MSH3: variants seen among roughly 807,000 people sequenced by gnomAD.
MSH3 encodes the protein mutS homolog 3.
A neutral mutation model predicts 123.3 loss-of-function variants in MSH3; 106 were observed. The ratio of observed to expected loss-of-function variants is 0.86; its 90% CI spans 0.73 to 1.01. The LOEUF is 1.01. MSH3 is among the 50% of genes least tolerant of loss of function. The pLI, the probability that MSH3 is intolerant of heterozygous loss-of-function variation, is 0.00. For missense variants in MSH3, 1,459 were observed against 1,347.6 expected, an observed-to-expected ratio of 1.08 and a Z score of -1.29; for synonymous variants, 515 against 481.4, an observed-to-expected ratio of 1.07 and a Z score of -0.91.
intron 2 of MSH3, among the ~76,000 whole-genome samples, chr5:80,659,515 G>A (rs1183401284): frequency 6.7e-6 from 1 of 149,570 alleles, no homozygotes; most frequent in East Asian, 1.9e-4. Context: ...GGCCTTTGGT[G>A]TCTGGTTTCT....
intron 21 of MSH3, among the ~76,000 whole-genome samples, chr5:80,862,470 C>T (rs1288685760): frequency 6.6e-6 from 1 of 152,046 alleles, no homozygotes; most frequent in African/African-American, 2.4e-5. Flanking sequence ...ATTAAAGAAT[C>T]CATGAGACTG....
At chr5:80,765,251 A>G (rs1320851309) in intron 13 of MSH3, among the ~76,000 whole-genome samples, 2 of 152,232 alleles carry the variant, frequency 1.3e-5, no homozygotes, top group Non-Finnish European at 2.9e-5. Context: ...TACAATAATC[A>G]TAAGAGGTTA....
At chr5:80,701,278 A>G (rs548514453) in intron 8 of MSH3, among the ~76,000 whole-genome samples, 60 of 152,302 alleles carry the variant, frequency 3.9e-4, no homozygotes, top group African/African-American at 1.4e-3. Flanking sequence ...TCATTCTTGA[A>G]GACACATTGT....
chr5:80,717,776 C>CAT (rs2112849628), intron 8 of MSH3, among the ~76,000 whole-genome samples: 1 of 150,240 alleles, frequency 6.7e-6, no homozygotes, highest in African/African-American at 2.4e-5. Context: ...TTTTTTTTTT[C>CAT]ATATATTGGC....
intron 19 of MSH3, among the ~76,000 whole-genome samples, chr5:80,803,114 G>A (rs1370200730): frequency 6.6e-6 from 1 of 152,062 alleles, no homozygotes; most frequent in Non-Finnish European, 1.5e-5. Flanking sequence ...GGGATTGCTA[G>A]ATCATGTGTT....
At chr5:80,824,348 C>A (rs945382924) in intron 20 of MSH3, among the ~76,000 whole-genome samples, 1 of 149,852 alleles carries the variant, frequency 6.7e-6, no homozygotes, top group Admixed American at 6.7e-5. Flanking sequence ...CCGGACGGGG[C>A]GGCTGGCCGG....
In MSH3 at chr5:80,848,052, G is replaced by A. The variant is rs539995522; in HGVS notation, c.2814-6078G>A. Among the ~76,000 whole-genome samples the A allele has an allele frequency of 2.0e-5, 3 of 152,198 alleles. No homozygotes were observed. The South Asian group carries it at 6.2e-4, about 32-fold the overall frequency. ...TTGTGACCAGCCTGGGCAACATGGT[G>A]GAACCCCATCTCTACTAAAGATACA... On this transcript the variant is annotated intron_variant, in intron 20 of 23. Coordinates refer to ENST00000265081, the MANE Select transcript of MSH3 (RefSeq NM_002439.5).
chr5:80,819,587 A>G (rs780442797), intron 20 of MSH3, among the ~76,000 whole-genome samples: 3 of 151,534 alleles, frequency 2.0e-5, no homozygotes, highest in African/African-American at 7.3e-5. Flanking sequence ...CCTGGATTCA[A>G]GCTATTTTCC....
At chr5:80,863,871 A>G (rs1321104666) in intron 21 of MSH3, among the ~76,000 whole-genome samples, 1 of 152,166 alleles carries the variant, frequency 6.6e-6, no homozygotes, top group Non-Finnish European at 1.5e-5. Flanking sequence ...ATCTCTCAGC[A>G]GACTTCACAG....
chr5:80,858,714 T>C (rs925378086), intron 21 of MSH3, among the ~76,000 whole-genome samples: 8 of 152,196 alleles, frequency 5.3e-5, no homozygotes, highest in Non-Finnish European at 1.0e-4. Flanking sequence ...ATATAAATGA[T>C]GTCTAGTTGA....
intron 9 of MSH3, among the ~76,000 whole-genome samples, chr5:80,726,756 C>T (rs1162418121): frequency 6.6e-6 from 1 of 152,180 alleles, no homozygotes; most frequent in Non-Finnish European, 1.5e-5. Context: ...AGGCATGAGC[C>T]ACTGCGCCCA....
chr5:80,672,199 T>A (rs1265656566), intron 4 of MSH3, 45 bp from the exon 5 acceptor site: 1 of 1,341,634 alleles, frequency 7.5e-7, no homozygotes, highest in Non-Finnish European at 1.1e-6. Context: ...ACATAGGGAA[T>A]CTTAAAATAT....
At position 80,794,351 on chromosome 5, in the gene MSH3, C is replaced by T. The variant is rs146871233; in HGVS notation, c.2655+1507C>T. On this transcript the variant is annotated intron_variant, in intron 19 of 23. Coordinates refer to ENST00000265081, the MANE Select transcript of MSH3 (RefSeq NM_002439.5). ...CAGCCTTGAGCTGTTAGAAACTATG[C>T]TAGTGGGGTAACTTCTAAGTAGGGA... 1.1e-3 allele frequency among the ~76,000 whole-genome samples: 171 copies of T among 152,206 alleles called. 1 individual carries two copies. Among genetic ancestry groups the T allele is most frequent in the African/African-American group, 3.8e-3 (158 of 41,528 alleles).
intron 10 of MSH3, among the ~76,000 whole-genome samples, chr5:80,738,553 T>C (rs555695128): frequency 6.6e-6 from 1 of 152,240 alleles, no homozygotes; most frequent in Admixed American, 6.5e-5. Flanking sequence ...ATTTATAGGA[T>C]TATTATACCC....
chr5:80,746,488 C>A, intron 12 of MSH3: 1 of 500,790 alleles, frequency 2.0e-6, no homozygotes, highest in Admixed American at 2.1e-5. Flanking sequence ...ATCAAGCAAA[C>A]CTTTGATGTC....
At chr5:80,862,978 A>G (rs1746038850) in intron 21 of MSH3, among the ~76,000 whole-genome samples, 1 of 152,206 alleles carries the variant, frequency 6.6e-6, no homozygotes, top group Non-Finnish European at 1.5e-5. Flanking sequence ...AGATTGTTGG[A>G]GAAAAGGATA....
chr5:80,811,875 T>C (rs1182469149), intron 19 of MSH3, among the ~76,000 whole-genome samples: 2 of 152,182 alleles, frequency 1.3e-5, no homozygotes, highest in African/African-American at 4.8e-5. Context: ...GGCTTATTTT[T>C]TAATCTCTGT....
chr5:80,754,864 G>A lies in MSH3; in HGVS notation c.1764-6682G>A, dbSNP rs563276613. ...AATTTGTTACCCTGGCCCAAATGAT[G>A]AAGTAATAGAATGTTGCATATTTCC... is the stretch of plus-strand genomic sequence containing the variant. On this transcript the variant is annotated intron_variant, in intron 12 of 23. Coordinates refer to ENST00000265081, the MANE Select transcript of MSH3 (RefSeq NM_002439.5). Among the ~76,000 whole-genome samples, 3 of 152,282 alleles carry A rather than the reference G, an allele frequency of 2.0e-5. No homozygotes were observed. The East Asian group carries it at 5.8e-4, about 29-fold the overall frequency.
chr5:80,731,299 C>G (rs151062819), intron 10 of MSH3, among the ~76,000 whole-genome samples: 4 of 152,116 alleles, frequency 2.6e-5, no homozygotes, highest in East Asian at 1.9e-4. Flanking sequence ...TTTCAAATTA[C>G]CTGAAGTAAC....
Sources: gnomAD v4.1 joint callset for allele counts (sites outside exome capture counted in the v4.1 genomes callset) on GRCh38, gnomAD v4.1.1 for gene constraint, MANE v1.5 for transcripts, NCBI Gene and HGNC (gene_info 2026-07-23, HGNC 2026-07-21) for gene names.